Variants in LCN1 observed in about 807,000 individuals in gnomAD.
LCN1 encodes lipocalin 1, also known as lipocalin-1.
In LCN1, 25 loss-of-function variants were observed where a neutral mutation model predicts 22.3. The observed-to-expected ratio is 1.12, with a 90% CI of 0.82 to 1.56. LCN1 has a LOEUF of 1.56. LCN1 is among the 40% of genes most tolerant of loss of function. The pLI, the probability that LCN1 is intolerant of heterozygous loss-of-function variation, is 0.00. For synonymous variants in LCN1, 85 were observed against 97.6 expected, an observed-to-expected ratio of 0.87 and a Z score of 0.76; for missense variants, 219 against 235.6, an observed-to-expected ratio of 0.93 and a Z score of 0.46.
intron 2 of LCN1, 127 bp from the exon 3 acceptor site, chr9:135,523,105 A>G (rs1422039602): frequency 2.5e-6 from 2 of 809,622 alleles, no homozygotes; most frequent in African/African-American, 1.7e-5. Flanking sequence ...AGATGCAGAG[A>G]AGCACCCTCC....
chr9:135,525,152 G>A lies in LCN1; in HGVS notation c.526G>A (p.Asp176Asn), dbSNP rs746251906. The A allele has an allele frequency of 1.6e-5, 26 of 1,613,516 alleles. No individual in the cohort carries two copies. Among genetic ancestry groups the A allele is most frequent in the African/African-American group, 4.0e-5 (3 of 74,920 alleles). Residue 176 changes from aspartate to asparagine, a missense_variant, in exon 6 of 7, where the codon GAT becomes AAT. Asp to Asn is a conservative substitution (Grantham distance 23). Transcript: ENST00000371781. ...RQSETCSPGS[D>N] ...TGCAGAAACCTGCTCTCCAGGGAGC[G>A]ATTAGGGTGAGTGAACAGCTTTAGA... is the stretch of plus-strand genomic sequence containing the variant.
chr9:135,522,566 G>A (rs1831526671), intron 2 of LCN1, among the ~76,000 whole-genome samples: 2 of 152,230 alleles, frequency 1.3e-5, no homozygotes, highest in African/African-American at 4.8e-5. Flanking sequence ...TGACCAAGAG[G>A]GGGCATAGGA....
At chr9:135,524,013 G>C in intron 4 of LCN1, 23 bp downstream of exon 4, 1 of 1,571,346 alleles carries the variant, frequency 6.4e-7, no homozygotes, top group Non-Finnish European at 8.8e-7. Context: ...CCCTCACCCT[G>C]CAACCCATGC....
chr9:135,522,846 G>A (rs770659050), intron 2 of LCN1, among the ~76,000 whole-genome samples: 1 of 152,224 alleles, frequency 6.6e-6, no homozygotes, highest in Non-Finnish European at 1.5e-5. Flanking sequence ...GCCAGATGAT[G>A]ATGGATATGG....
chr9:135,524,889 C>G lies in LCN1; in HGVS notation c.463C>G (p.Arg155Gly). The G allele has an allele frequency of 6.2e-7, 1 of 1,608,068 alleles. No individual in the cohort carries two copies. Among genetic ancestry groups the G allele is most frequent in the Non-Finnish European group, 8.5e-7 (1 of 1,177,420 alleles). The stretch of plus-strand genomic sequence containing the variant: ...GGACTTTGAGAAAGCCGCAGGAGCC[C>G]GCGGACTCAGCACGGAGAGCATCCT... ...LEDFEKAAGA[R>G]GLSTESILIP... Residue 155 changes from arginine to glycine, a missense_variant, in exon 5 of 7, where the codon CGC (arginine) becomes GGC (glycine). Coordinates refer to ENST00000371781, the MANE Select transcript of LCN1 (RefSeq NM_002297.4).
In LCN1 at chr9:135,523,289, A is replaced by G; in HGVS notation, c.279A>G (p.Gly93=). 1 of 1,613,086 alleles carries G rather than the reference A, an allele frequency of 6.2e-7. No individual in the cohort carries two copies. Among genetic ancestry groups the G allele is most frequent in the Non-Finnish European group, 8.5e-7 (1 of 1,179,736 alleles). ...KAVLEKTDEP[G]KYTADGGKHV... ...TCCTGGAGAAAACTGACGAGCCGGG[A>G]AAATACACGGCCGGTGAGTCCCGGG... Residue 93 remains glycine (G), a synonymous_variant, in exon 3 of 7, where the codon GGA becomes GGG. Coordinates refer to ENST00000371781, the MANE Select transcript of LCN1 (RefSeq NM_002297.4).
At position 135,523,903 on chromosome 9, in the gene LCN1, A is replaced by G; in HGVS notation, c.316A>G (p.Ile106Val). The G allele has an allele frequency of 6.2e-7, 1 of 1,614,088 alleles. No homozygotes were observed. Among genetic ancestry groups the G allele is most frequent in the Non-Finnish European group, 8.5e-7 (1 of 1,179,964 alleles). ...AGACGGGGGCAAGCACGTGGCATAC[A>G]TCATCAGGTCGCACGTGAAGGACCA... is the stretch of plus-strand genomic sequence containing the variant. ...TADGGKHVAYIIRSHVKDHYI... is the reference protein window; with the variant it reads ...TADGGKHVAYVIRSHVKDHYI... The change falls in exon 4 of 7, where the codon ATC (isoleucine) becomes GTC (valine). Residue 106 changes from isoleucine to valine, a missense_variant. Transcript: ENST00000371781.
At position 135,524,221 on chromosome 9, in the gene LCN1, C is replaced by T. The variant is rs1256666354; in HGVS notation, c.403+231C>T. ...CAGAGGCAGGAAGGAGCCACGGCTG[C>T]AGGCACAGGGGTTCAAAGGTCACAC... On this transcript the variant is annotated intron_variant, in intron 4 of 6. Coordinates refer to ENST00000371781, the MANE Select transcript of LCN1 (RefSeq NM_002297.4). 2.6e-5 allele frequency among the ~76,000 whole-genome samples: 4 copies of T among 152,346 alleles called. No individual in the cohort carries two copies. The East Asian group carries it at 5.8e-4, about 22-fold the overall frequency.
chr9:135,523,138 G>A (rs1831540493), intron 2 of LCN1, 94 bp from the exon 3 acceptor site: 5 of 1,162,864 alleles, frequency 4.3e-6, no homozygotes, highest in Non-Finnish European at 3.7e-6. Flanking sequence ...TGGCAGACTC[G>A]GGGCCACATT....
intron 4 of LCN1, 113 bp downstream of exon 4, chr9:135,524,103 T>G: frequency 1.3e-6 from 1 of 762,072 alleles, no homozygotes; most frequent in Non-Finnish European, 2.2e-6. Context: ...AGGAACCCAC[T>G]GCAGTTTTCT....
chr9:135,524,394 A>T (rs1227360443), intron 4 of LCN1, among the ~76,000 whole-genome samples: 1 of 152,134 alleles, frequency 6.6e-6, no homozygotes, highest in Non-Finnish European at 1.5e-5. Flanking sequence ...CCCGGGGTTG[A>T]ATTCCGGACG....
intron 3 of LCN1, 42 bp downstream of exon 3, chr9:135,523,344 C>T (rs1831547727): frequency 1.1e-5 from 17 of 1,571,942 alleles, no homozygotes; most frequent in Admixed American, 1.8e-5. Flanking sequence ...CTTGAACACA[C>T]GCTGGATGTG....
At position 135,524,946 on chromosome 9, in the gene LCN1, C is replaced by A. The variant is rs768195622; in HGVS notation, c.505+15C>A. ...CAGGCAGAGCGGTAGGAGGCATGGC[C>A]CTGCAGAGCCCCCCATGTCCCCGCG... On this transcript the variant is annotated intron_variant, in intron 5 of 6. Coordinates refer to ENST00000371781, the MANE Select transcript of LCN1 (RefSeq NM_002297.4). 1.3e-6 allele frequency: 2 copies of A among 1,599,200 alleles called. No individual in the cohort carries two copies. The highest frequency in any genetic ancestry group is 2.7e-5 in the African/African-American group (2 of 74,488).
chr9:135,524,511 G>T (rs1831580794), intron 4 of LCN1, among the ~76,000 whole-genome samples: 1 of 152,210 alleles, frequency 6.6e-6, no homozygotes, highest in African/African-American at 2.4e-5. Context: ...GAATGACAGA[G>T]GATTGGGATC....
At chr9:135,525,776 G>A (rs998699869) in intron 6 of LCN1, among the ~76,000 whole-genome samples, 1 of 151,844 alleles carries the variant, frequency 6.6e-6, no homozygotes, top group African/African-American at 2.4e-5. Context: ...TGCTCCATCC[G>A]CTCCAATCTA....
Position 135,524,900 on chromosome 9 carries a change from C to T in LCN1, c.474C>T (p.Ser158=), listed in dbSNP as rs2118956961. ...FEKAAGARGL[S]TESILIPRQS... ...AAGCCGCAGGAGCCCGCGGACTCAG[C>T]ACGGAGAGCATCCTCATCCCCAGGC... is the stretch of plus-strand genomic sequence containing the variant. The change falls in exon 5 of 7, where the codon AGC becomes AGT. Residue 158 remains serine (S), a synonymous_variant. Coordinates refer to ENST00000371781, the MANE Select transcript of LCN1 (RefSeq NM_002297.4). The T allele has an allele frequency of 6.2e-7, 1 of 1,607,598 alleles. No individual in the cohort carries two copies. Among genetic ancestry groups the T allele is most frequent in the Non-Finnish European group, 8.5e-7 (1 of 1,177,332 alleles).
At position 135,525,129 on chromosome 9, in the gene LCN1, C is replaced by A. The variant is rs758030394; in HGVS notation, c.506-3C>A. On this transcript the variant is annotated splice_region_variant and splice_polypyrimidine_tract_variant and intron_variant, in intron 5 of 6. Transcript: ENST00000371781. ...CTAACGCCTGTGCTTCCTTTTCCTG[C>A]AGAAACCTGCTCTCCAGGGAGCGAT... 3 of 1,613,480 alleles carry A rather than the reference C, an allele frequency of 1.9e-6. No homozygotes were observed. Among genetic ancestry groups the A allele is most frequent in the Admixed American group, 1.7e-5 (1 of 59,924 alleles).
At chr9:135,524,753 C>T in intron 4 of LCN1, 77 bp from the exon 5 acceptor site, 1 of 1,168,968 alleles carries the variant, frequency 8.6e-7, no homozygotes, top group East Asian at 2.6e-5. Flanking sequence ...CAGCCCAGCT[C>T]AGGCCTCCAG....
chr9:135,523,461 A>G (rs1831550592), intron 3 of LCN1, among the ~76,000 whole-genome samples, 159 bp downstream of exon 3: 1 of 152,140 alleles, frequency 6.6e-6, no homozygotes. Flanking sequence ...GTCAATTTGC[A>G]TTAGAGACTT....
Sources: gnomAD v4.1 joint callset for allele counts (sites outside exome capture counted in the v4.1 genomes callset) on GRCh38, gnomAD v4.1.1 for gene constraint, MANE v1.5 for transcripts, NCBI Gene and HGNC (gene_info 2026-07-23, HGNC 2026-07-21) for gene names.